SLC30A9: variants seen among roughly 807,000 people sequenced by gnomAD.
SLC30A9 encodes solute carrier family 30 member 9, also known as proton-coupled zinc antiporter SLC30A9, mitochondrial.
In SLC30A9, 58 loss-of-function variants were observed where a neutral mutation model predicts 87.5. The ratio of observed to expected loss-of-function variants is 0.66; its 90% confidence interval spans 0.54 to 0.82. The LOEUF is 0.82. SLC30A9 is among the 40% of genes least tolerant of loss of function. The pLI is 0.00. For synonymous variants in SLC30A9, 234 were observed against 233.0 expected, an observed-to-expected ratio of 1.00 and a Z score of -0.04; for missense variants, 557 against 679.1, an observed-to-expected ratio of 0.82 and a Z score of 2.00.
In SLC30A9 at chr4:42,090,221, A is replaced by T. The variant is rs1719047958; in HGVS notation, c.*4095A>T. The T allele has an allele frequency of 6.6e-6, 1 of 152,202 alleles. No homozygotes were observed. The highest frequency in any genetic ancestry group is 1.5e-5 in the Non-Finnish European group (1 of 68,030). The allele number at this position is 152,202 out of a possible 1,614,324, so 9.4% of individuals were successfully genotyped here. The stretch of plus-strand genomic sequence containing the variant: ...GTTGATTCAAAGATTGTCTCCCCTA[A>T]ATCCTTCATTTCTTTCTCTGAAATG... On this transcript the variant is annotated 3_prime_UTR_variant, in exon 18 of 18. Coordinates refer to ENST00000264451, the MANE Select transcript of SLC30A9 (RefSeq NM_006345.4).
At chr4:41,997,674 T>C (rs1454273315) in intron 1 of SLC30A9, among the ~76,000 whole-genome samples, 1 of 152,194 alleles carries the variant, frequency 6.6e-6, no homozygotes, top group African/African-American at 2.4e-5. Context: ...CATTCTTCTA[T>C]TAGGGAACAT....
chr4:42,023,489 C>A, intron 6 of SLC30A9, 105 bp downstream of exon 6: 2 of 650,106 alleles, frequency 3.1e-6, no homozygotes, highest in South Asian at 4.6e-5. Flanking sequence ...GGCCTAGGCT[C>A]TGTTGCTTCC....
chr4:42,002,016 G>A (rs1218210670), intron 2 of SLC30A9, among the ~76,000 whole-genome samples: 1 of 151,758 alleles, frequency 6.6e-6, no homozygotes, highest in Non-Finnish European at 1.5e-5. Context: ...TAATTTATTG[G>A]TATAAAGTGT....
chr4:41,993,924 A>C (rs1285641262), intron 1 of SLC30A9, among the ~76,000 whole-genome samples: 1 of 152,162 alleles, frequency 6.6e-6, no homozygotes, highest in Non-Finnish European at 1.5e-5. Context: ...TGGGAGGCCG[A>C]GGTAGGGGGA....
At chr4:42,003,086 T>C (rs1007301408) in intron 2 of SLC30A9, among the ~76,000 whole-genome samples, 3 of 152,204 alleles carry the variant, frequency 2.0e-5, no homozygotes, top group Non-Finnish European at 4.4e-5. Context: ...ATTTCTATTG[T>C]GATTCTTCTA....
chr4:42,009,252 C>T (rs1212832967), intron 2 of SLC30A9, among the ~76,000 whole-genome samples: 4 of 152,096 alleles, frequency 2.6e-5, no homozygotes, highest in Non-Finnish European at 5.9e-5. Context: ...CTCAATTTTT[C>T]AGTACTTGCT....
At chr4:42,006,037 T>G (rs1715186819) in intron 2 of SLC30A9, among the ~76,000 whole-genome samples, 1 of 152,194 alleles carries the variant, frequency 6.6e-6, no homozygotes, top group Admixed American at 6.5e-5. Context: ...ATACAGACAT[T>G]TTTTTCTTGT....
chr4:42,007,052 G>A (rs1214510049), intron 2 of SLC30A9, among the ~76,000 whole-genome samples: 1 of 152,142 alleles, frequency 6.6e-6, no homozygotes, highest in East Asian at 1.9e-4. Context: ...GTTTTAGAAA[G>A]ATAACTAGTT....
At position 42,086,433 on chromosome 4, in the gene SLC30A9, G is replaced by A; in HGVS notation, c.*307G>A. ...ATATTTCACCTGTTCAGTGTATACT[G>A]TACTTTGCAATCATCTTTCCTTTTT... is the stretch of plus-strand genomic sequence containing the variant. On this transcript the variant is annotated 3_prime_UTR_variant, in exon 18 of 18. Coordinates refer to ENST00000264451, the MANE Select transcript of SLC30A9 (RefSeq NM_006345.4). 8.7e-6 allele frequency: 2 copies of A among 230,596 alleles called. No individual in the cohort carries two copies. Among genetic ancestry groups the A allele is most frequent in the Non-Finnish European group, 1.7e-5 (2 of 119,942 alleles). The allele number at this position is 230,596 out of a possible 1,614,324, so 14.3% of individuals were successfully genotyped here. A position where few individuals can be genotyped will look rare whatever the true frequency, so the allele number is the denominator to read the frequency against.
chr4:42,026,219 A>G (rs12651160), intron 6 of SLC30A9, among the ~76,000 whole-genome samples: 98,366 of 152,094 alleles, frequency 0.65, 35,996 homozygotes, highest in East Asian at 0.96. Context: ...TACTGGGGAC[A>G]GATAGTCCTG....
chr4:42,029,897 G>C, intron 6 of SLC30A9: 1 of 704,632 alleles, frequency 1.4e-6, no homozygotes, highest in South Asian at 1.4e-5. Flanking sequence ...GAAATGTGGA[G>C]TATTTTGGAC....
At position 42,020,526 on chromosome 4, in the gene SLC30A9, T is replaced by TA. The variant is rs762839225; in HGVS notation, c.434+17dup. The TA allele has an allele frequency of 1.5e-5, 22 of 1,434,548 alleles. No individual in the cohort carries two copies. In the Middle Eastern group the frequency reaches 8.4e-4, roughly 55 times the overall value. The allele number at this position is 1,434,548 out of a possible 1,614,324, so 88.9% of individuals were successfully genotyped here. ...CTGCCTCAAATCCAGGTAATTTTTT[T>TA]AAAAAATGTAGCCGTGTGTCATATC... On this transcript the variant is annotated intron_variant, in intron 4 of 17. Transcript: ENST00000264451.
At chr4:41,992,350 A>G (rs1714485024) in intron 1 of SLC30A9, among the ~76,000 whole-genome samples, 1 of 152,026 alleles carries the variant, frequency 6.6e-6, no homozygotes, top group Non-Finnish European at 1.5e-5. Context: ...AAAAAAAAAA[A>G]AAGAAAAGAA....
Position 42,062,973 on chromosome 4 carries a change from T to C in SLC30A9, c.897-13T>C. 6.2e-7 allele frequency: 1 copy of C among 1,609,246 alleles called. No homozygotes were observed. Among genetic ancestry groups the C allele is most frequent in the Non-Finnish European group, 8.5e-7 (1 of 1,177,546 alleles). ...TGTATTTCTTGCGAACTATATTCTT[T>C]TCTATTTTTCAGGTACGGATTTTCA... On this transcript the variant is annotated splice_polypyrimidine_tract_variant and intron_variant, in intron 10 of 17. Coordinates refer to ENST00000264451, the MANE Select transcript of SLC30A9 (RefSeq NM_006345.4).
chr4:42,071,650 T>G (rs1166825153), intron 15 of SLC30A9, among the ~76,000 whole-genome samples: 1 of 145,230 alleles, frequency 6.9e-6, no homozygotes, highest in African/African-American at 2.5e-5. Flanking sequence ...TACTATATTC[T>G]GGGCAGCATA....
chr4:42,060,320 T>G, intron 10 of SLC30A9, 74 bp downstream of exon 10: 1 of 1,163,310 alleles, frequency 8.6e-7, no homozygotes, highest in South Asian at 1.2e-5. Flanking sequence ...ATCAGAAATC[T>G]CCTGCAATTT....
chr4:42,080,691 C>G (rs1407280053), intron 17 of SLC30A9, among the ~76,000 whole-genome samples: 1 of 152,200 alleles, frequency 6.6e-6, no homozygotes, highest in Non-Finnish European at 1.5e-5. Flanking sequence ...TAAACAAAGA[C>G]ACTCTTAGGC....
At position 42,086,095 on chromosome 4, in the gene SLC30A9, A is replaced by T; in HGVS notation, c.1676A>T (p.Glu559Val). The T allele has an allele frequency of 6.7e-7, 1 of 1,500,588 alleles. No homozygotes were observed. Among genetic ancestry groups the T allele is most frequent in the Non-Finnish European group, 9.0e-7 (1 of 1,110,434 alleles). 93.0% of individuals were successfully genotyped at this position (1,500,588 alleles called of 1,614,324 possible). A position where few individuals can be genotyped will look rare whatever the true frequency, so the allele number is the denominator to read the frequency against. ...LEKELKKRNP[E>V]VRHVDLEIL ...TTTTCTTTCCAGAAACGAAATCCTGAAGTTCGACATGTAGATTTGGAGATA... is the reference window on the plus strand; with the variant it reads ...TTTTCTTTCCAGAAACGAAATCCTGTAGTTCGACATGTAGATTTGGAGATA... The change falls in exon 18 of 18, where the codon GAA becomes GTA. Residue 559 changes from glutamate to valine, a missense_variant. Glu to Val is a moderately radical substitution (Grantham distance 121). This residue lies in a region of SLC30A9 where 90 missense variants were observed against 149.4 expected (regional missense o/e 0.60). Coordinates refer to ENST00000264451, the MANE Select transcript of SLC30A9 (RefSeq NM_006345.4).
At chr4:42,048,973 T>C (rs1717277714) in intron 8 of SLC30A9, among the ~76,000 whole-genome samples, 1 of 152,178 alleles carries the variant, frequency 6.6e-6, no homozygotes, top group Non-Finnish European at 1.5e-5. Flanking sequence ...ATTGTTGTTG[T>C]TGTTTTAGCG....
Sources: gnomAD v4.1 joint callset for allele counts (sites outside exome capture counted in the v4.1 genomes callset) on GRCh38, gnomAD v4.1.1 for gene constraint, gnomAD v4.1.1 regional missense constraint, MANE v1.5 for transcripts, NCBI Gene and HGNC (gene_info 2026-07-23, HGNC 2026-07-21) for gene names.